SLC24A2: variants seen among roughly 807,000 people sequenced by gnomAD.
SLC24A2 encodes solute carrier family 24 member 2.
In SLC24A2, 36 loss-of-function variants were observed where a neutral mutation model predicts 62.0. That is an observed-to-expected ratio of 0.58 (90% confidence interval 0.44 to 0.77). The LOEUF is 0.77. SLC24A2 is among the 30% of genes least tolerant of loss of function. The probability of loss-of-function intolerance (pLI) is 0.00; values close to 1 mark genes in which losing one functional copy is unlikely to be tolerated. For missense variants in SLC24A2, 846 were observed against 817.9 expected (o/e 1.03, Z -0.42); for synonymous variants, 358 against 294.0 (o/e 1.22, Z -2.23).
chr9:19,607,085 G>A (rs578179086), intron 4 of SLC24A2, among the ~76,000 whole-genome samples: 51 of 152,276 alleles, frequency 3.3e-4, no homozygotes, highest in Middle Eastern at 3.4e-3. Context: ...ACACTCAGAG[G>A]TGTCTTTAGT....
At chr9:19,826,095 C>T in the SLC24A2 span, among the ~76,000 whole-genome samples, 10 of 147,242 alleles carry the variant, frequency 6.8e-5, no homozygotes, top group African/African-American at 2.5e-4. Context: ...TGCAATTAAA[C>T]CAGGGAAAAT....
At chr9:20,207,629 CAT>C in the SLC24A2 span, among the ~76,000 whole-genome samples, 30 of 152,182 alleles carry the variant, frequency 2.0e-4, no homozygotes, top group Admixed American at 2.0e-3. Context: ...TAGTACTATG[CAT>C]AGAGTCTGAC....
chr9:19,649,730 A>C (rs768858422), intron 2 of SLC24A2, among the ~76,000 whole-genome samples: 24 of 152,228 alleles, frequency 1.6e-4, no homozygotes, highest in Non-Finnish European at 1.5e-4. Context: ...CAACAAGGAA[A>C]TATGGACAGC....
upstream of SLC24A2, among the ~76,000 whole-genome samples, chr9:19,793,759 C>T (rs1372243926): frequency 3.9e-5 from 6 of 152,154 alleles, no homozygotes; most frequent in African/African-American, 1.4e-4. Flanking sequence ...ATATGATAGT[C>T]CCTGCCTAAC....
the SLC24A2 span, among the ~76,000 whole-genome samples, chr9:20,213,826 G>C: frequency 6.6e-6 from 1 of 152,174 alleles, no homozygotes; most frequent in Non-Finnish European, 1.5e-5. Flanking sequence ...TATGTGTTCT[G>C]CTTTATACTA....
the SLC24A2 span, among the ~76,000 whole-genome samples, chr9:19,836,998 T>C: frequency 6.6e-6 from 1 of 152,194 alleles, no homozygotes; most frequent in African/African-American, 2.4e-5. Flanking sequence ...TCTCAATAGA[T>C]GCAGAAAAGG....
At chr9:19,897,263 C>T in the SLC24A2 span, among the ~76,000 whole-genome samples, 3 of 152,000 alleles carry the variant, frequency 2.0e-5, no homozygotes, top group Admixed American at 6.6e-5. Context: ...AACAGTGACC[C>T]CATATTGTTA....
intron 2 of SLC24A2, among the ~76,000 whole-genome samples, chr9:19,650,822 A>AGTGTGTGT (rs61576823): frequency 7.4e-4 from 111 of 149,190 alleles, no homozygotes; most frequent in African/African-American, 2.2e-3. Flanking sequence ...ATCAGCTTCT[A>AGTGTGTGT]GTGTGTGTGT....
the SLC24A2 span, among the ~76,000 whole-genome samples, chr9:20,298,256 T>A: frequency 3.6e-4 from 55 of 152,206 alleles, no homozygotes; most frequent in South Asian, 5.6e-3. Flanking sequence ...TGAGATGGAG[T>A]CTTACTCTTG....
the SLC24A2 span, among the ~76,000 whole-genome samples, chr9:19,837,921 T>C: frequency 5.3e-5 from 8 of 151,502 alleles, no homozygotes; most frequent in Non-Finnish European, 8.8e-5. Flanking sequence ...ATAAAAGAGG[T>C]TACAAACAAA....
chr9:20,041,414 G>A, the SLC24A2 span, among the ~76,000 whole-genome samples: 7 of 152,232 alleles, frequency 4.6e-5, no homozygotes, highest in South Asian at 1.4e-3. Context: ...GTGGCAATCA[G>A]CTTTTGCAAA....
chr9:19,830,639 A>G, the SLC24A2 span, among the ~76,000 whole-genome samples: 1 of 152,182 alleles, frequency 6.6e-6, no homozygotes, highest in Non-Finnish European at 1.5e-5. Flanking sequence ...CAGCAAGGCC[A>G]CAAAAAGTTC....
At chr9:20,177,700 G>C in the SLC24A2 span, among the ~76,000 whole-genome samples, 1 of 152,048 alleles carries the variant, frequency 6.6e-6, no homozygotes, top group Non-Finnish European at 1.5e-5. Flanking sequence ...AATATAAGTA[G>C]ATTAAATAGA....
In SLC24A2 at chr9:19,788,936, C is replaced by A; in HGVS notation, c.-205G>T. 1.0e-6 allele frequency: 1 copy of A among 985,184 alleles called. No individual in the cohort carries two copies. Among genetic ancestry groups the A allele is most frequent in the Non-Finnish European group, 1.2e-6 (1 of 829,716 alleles). 61.0% of individuals were successfully genotyped at this position (985,184 alleles called of 1,614,324 possible). On this transcript the variant is annotated 5_prime_UTR_variant, in exon 1 of 11. Transcript: ENST00000341998. Reference sequence around the variant, plus strand: ...CGGCGGGGCCCCCGAGCGCGGCCCGCCGCTCCAGTCCGCCGGCCCTCCGCC... The same window carrying A: ...CGGCGGGGCCCCCGAGCGCGGCCCGACGCTCCAGTCCGCCGGCCCTCCGCC...
chr9:19,542,319 T>G (rs889004637), intron 8 of SLC24A2, among the ~76,000 whole-genome samples: 2 of 152,236 alleles, frequency 1.3e-5, no homozygotes, highest in African/African-American at 4.8e-5. Flanking sequence ...AAGTTGCTTA[T>G]CAGCTTAAGG....
intron 4 of SLC24A2, among the ~76,000 whole-genome samples, chr9:19,612,174 A>G (rs1837192685): frequency 6.6e-6 from 1 of 152,176 alleles, no homozygotes; most frequent in Admixed American, 6.5e-5. Flanking sequence ...GTGAAAACCA[A>G]ACACTATTAT....
the SLC24A2 span, among the ~76,000 whole-genome samples, chr9:20,126,975 T>C: frequency 2.0e-5 from 3 of 152,308 alleles, no homozygotes; most frequent in Admixed American, 2.0e-4. Context: ...AGAACAGCTT[T>C]CATGGATTTG....
the SLC24A2 span, among the ~76,000 whole-genome samples, chr9:20,102,153 C>G: frequency 6.6e-6 from 1 of 152,126 alleles, no homozygotes; most frequent in Admixed American, 6.5e-5. Flanking sequence ...AGAGTTGGAG[C>G]CTAAACCTAC....
At chr9:20,150,681 T>C in the SLC24A2 span, among the ~76,000 whole-genome samples, 40 of 148,764 alleles carry the variant, frequency 2.7e-4, no homozygotes, top group Admixed American at 1.7e-3. Flanking sequence ...TAACAAAAAA[T>C]CCCTGGAAAT....
Sources: allele counts gnomAD v4.1 joint callset (sites outside exome capture counted in the v4.1 genomes callset), GRCh38; gene constraint gnomAD v4.1.1; transcripts MANE v1.5; gene names NCBI Gene and HGNC (gene_info 2026-07-23, HGNC 2026-07-21).